ITPR1: variants seen among roughly 807,000 people sequenced by gnomAD.
The protein encoded by ITPR1 is inositol 1,4,5-trisphosphate receptor type 1.
A neutral mutation model predicts 318.4 loss-of-function variants in ITPR1; 96 were observed. The ratio of observed to expected loss-of-function variants is 0.30; its 90% CI spans 0.26 to 0.36. ITPR1 has a LOEUF of 0.36. ITPR1 is among the 10% of genes least tolerant of loss of function. The pLI is 1.00. For synonymous variants in ITPR1, 1,312 were observed against 1,289.9 expected (o/e 1.02, Z -0.37); for missense variants, 2,440 against 3,460.2 (o/e 0.71, Z 7.40).
intron 4 of ITPR1, among the ~76,000 whole-genome samples, chr3:4,535,659 A>G (rs556141860): frequency 7.6e-4 from 115 of 151,700 alleles, no homozygotes; most frequent in African/African-American, 2.8e-3. Flanking sequence ...GTTAGCCAGG[A>G]TGGTCTCAAT....
rs544857587 is a variant in ITPR1, at chr3:4,664,979, G to A, written c.1555-159G>A. On this transcript the variant is annotated intron_variant, in intron 16 of 61. Transcript: ENST00000649015. ...TTAATTCAGCGCGTCTCCCATCTCA[G>A]TTGATGGGCTGAATGCAGTGTTCAG... Among the ~76,000 whole-genome samples the A allele has an allele frequency of 6.6e-5, 10 of 152,334 alleles. No individual in the cohort carries two copies. In the South Asian group the frequency reaches 2.1e-3, roughly 32 times the overall value.
intron 4 of ITPR1, among the ~76,000 whole-genome samples, chr3:4,542,996 C>CT (rs1218495310): frequency 2.0e-5 from 3 of 152,122 alleles, no homozygotes; most frequent in African/African-American, 4.8e-5. Context: ...CTTCCTGCTC[C>CT]TTTTTTTGTC....
At chr3:4,832,462 C>G (rs1017975946) in intron 60 of ITPR1, among the ~76,000 whole-genome samples, 1 of 152,122 alleles carries the variant, frequency 6.6e-6, no homozygotes, top group Non-Finnish European at 1.5e-5. Flanking sequence ...CAAGACCAGT[C>G]TCTACTAAAA....
chr3:4,742,402 G>A (rs758162642), intron 44 of ITPR1, among the ~76,000 whole-genome samples: 35 of 152,314 alleles, frequency 2.3e-4, no homozygotes, highest in Middle Eastern at 3.4e-3. Flanking sequence ...TGTGGTGTGG[G>A]TACAGCCTGG....
rs189492242 is a variant in ITPR1, at chr3:4,776,173, G to A, written c.6180+731G>A. On this transcript the variant is annotated intron_variant, in intron 47 of 61. Coordinates refer to ENST00000649015, the MANE Select transcript of ITPR1 (RefSeq NM_001378452.1). Reference sequence around the variant, plus strand: ...GGCTCACTGCCTCCTGGATTCAAGCGATTCTTCTGCCTCAGCCTCCCTAGT... The same window carrying A: ...GGCTCACTGCCTCCTGGATTCAAGCAATTCTTCTGCCTCAGCCTCCCTAGT... 4.3e-4 allele frequency among the ~76,000 whole-genome samples: 66 copies of A among 152,296 alleles called. 2 individuals carry two copies. Among genetic ancestry groups the A allele is most frequent in the Admixed American group, 4.1e-3 (63 of 15,308 alleles).
chr3:4,642,050 C>A, intron 6 of ITPR1, 43 bp from the exon 7 acceptor site: 2 of 1,472,356 alleles, frequency 1.4e-6, no homozygotes, highest in South Asian at 1.4e-5. Context: ...GTAGAAAATT[C>A]AGATTTGCTG....
intron 52 of ITPR1, among the ~76,000 whole-genome samples, chr3:4,793,589 C>T (rs2047708276): frequency 6.6e-6 from 1 of 152,198 alleles, no homozygotes; most frequent in African/African-American, 2.4e-5. Flanking sequence ...CTTAAATTTG[C>T]TTCAGCAATC....
chr3:4,689,777 T>C (rs925059162), intron 31 of ITPR1, among the ~76,000 whole-genome samples: 2 of 152,228 alleles, frequency 1.3e-5, no homozygotes, highest in Non-Finnish European at 2.9e-5. Context: ...AAAATTTTCT[T>C]ACAAGGCATG....
At chr3:4,551,332 C>A (rs774248800) in intron 4 of ITPR1, among the ~76,000 whole-genome samples, 1 of 152,206 alleles carries the variant, frequency 6.6e-6, no homozygotes, top group African/African-American at 2.4e-5. Flanking sequence ...ATGAGTTATT[C>A]TACTGGCCCT....
rs577592358 is a variant in ITPR1 at position 4,605,471 on chromosome 3, T to C, written c.164-22292T>C. ...ATAAAAGCATAGGATCAGTATTAGA[T>C]TTGCTGAAGTTGATAGTAGTGCTGG... On this transcript the variant is annotated intron_variant, in intron 4 of 61. Transcript: ENST00000649015. Among the ~76,000 whole-genome samples, 189 of 152,266 alleles carry C rather than the reference T, an allele frequency of 1.2e-3. 1 individual carries two copies. The highest frequency in any genetic ancestry group is 2.0e-3 in the Admixed American group (31 of 15,300).
rs1196489402 is a variant in ITPR1, at chr3:4,511,307, CT to C, written c.-16-5160del. The stretch of plus-strand genomic sequence containing the variant: ...TAGAATCAAATCTTCCCTGCCCCCC[CT>C]TTTTTTTTACGCACAGCTCAGGGAG... On this transcript the variant is annotated intron_variant, in intron 2 of 61. Transcript: ENST00000649015. Among the ~76,000 whole-genome samples, 9 of 151,450 alleles carry C rather than the reference CT, an allele frequency of 5.9e-5. No homozygotes were observed. The South Asian group carries it at 8.4e-4, about 14-fold the overall frequency.
chr3:4,699,149 G>T (rs1559722521), intron 34 of ITPR1, among the ~76,000 whole-genome samples: 1 of 151,410 alleles, frequency 6.6e-6, no homozygotes, highest in Non-Finnish European at 1.5e-5. Context: ...AGGAGTTCGA[G>T]ACCAGCCTGG....
intron 2 of ITPR1, among the ~76,000 whole-genome samples, chr3:4,497,021 T>C (rs2080635560): frequency 6.6e-6 from 1 of 151,716 alleles, no homozygotes; most frequent in Admixed American, 6.6e-5. Context: ...TAAAACACAT[T>C]GCATTTGCAG....
At chr3:4,518,076 C>T (rs909988597) in intron 3 of ITPR1, among the ~76,000 whole-genome samples, 1 of 152,196 alleles carries the variant, frequency 6.6e-6, no homozygotes, top group African/African-American at 2.4e-5. Flanking sequence ...CAGAAAATTC[C>T]AGACTCCAAG....
At chr3:4,707,654 T>G (rs1210748121) in intron 37 of ITPR1, among the ~76,000 whole-genome samples, 1 of 152,138 alleles carries the variant, frequency 6.6e-6, no homozygotes, top group Non-Finnish European at 1.5e-5. Context: ...GTAAGAAGAA[T>G]GTGAAAGACA....
At chr3:4,508,480 T>C (rs905124118) in intron 2 of ITPR1, among the ~76,000 whole-genome samples, 2 of 137,150 alleles carry the variant, frequency 1.5e-5, no homozygotes, top group African/African-American at 5.6e-5. Context: ...TTTTTTTAAA[T>C]GAATGTAATG....
chr3:4,673,185 G>A lies in ITPR1; in HGVS notation c.2254G>A (p.Ala752Thr), dbSNP rs1574793047. The A allele has an allele frequency of 6.2e-7, 1 of 1,613,836 alleles. No homozygotes were observed. The highest frequency in any genetic ancestry group is 8.5e-7 in the Non-Finnish European group (1 of 1,179,830). The stretch of plus-strand genomic sequence containing the variant: ...GATGTGTCTGGACCGCCAATACCTG[G>A]CCATCAACGAAATCTCAGGCCAGCT... Reference protein sequence around the residue: ...ARMCLDRQYLAINEISGQLDV... With the variant: ...ARMCLDRQYLTINEISGQLDV... Residue 752 changes from alanine (A) to threonine (T), a missense_variant, in exon 21 of 62, where the codon GCC (alanine) becomes ACC (threonine). This residue lies in a region of ITPR1 where 478 missense variants were observed against 696.3 expected (regional missense o/e 0.69). Coordinates refer to ENST00000649015, the MANE Select transcript of ITPR1 (RefSeq NM_001378452.1).
intron 46 of ITPR1, among the ~76,000 whole-genome samples, chr3:4,774,761 G>A (rs569468735): frequency 2.3e-4 from 35 of 152,308 alleles, no homozygotes; most frequent in African/African-American, 6.3e-4. Flanking sequence ...CTGCCACATG[G>A]CACTGGGAGT....
At chr3:4,644,440 C>G (rs1027149958) in intron 8 of ITPR1, among the ~76,000 whole-genome samples, 1 of 152,196 alleles carries the variant, frequency 6.6e-6, no homozygotes, top group African/African-American at 2.4e-5. Context: ...TGGGCTGATA[C>G]TCACTCTAGT....
Sources: allele counts gnomAD v4.1 joint callset (sites outside exome capture counted in the v4.1 genomes callset), GRCh38; gene constraint gnomAD v4.1.1; regional missense constraint gnomAD v4.1.1; transcripts MANE v1.5; gene names NCBI Gene and HGNC (gene_info 2026-07-23, HGNC 2026-07-21).